CAMK4: variants seen among roughly 807,000 people sequenced by gnomAD.
CAMK4 encodes the protein calcium/calmodulin-dependent protein kinase type IV.
In CAMK4, 22 loss-of-function variants were observed where a neutral mutation model predicts 44.9. The observed-to-expected ratio is 0.49, with a 90% CI of 0.35 to 0.70. The LOEUF is 0.70. Among genes scored for constraint, CAMK4 ranks in the 30% least tolerant of loss-of-function variants. The pLI is 0.01. For missense variants in CAMK4, 498 were observed against 586.8 expected (o/e 0.85, Z 1.56); for synonymous variants, 218 against 215.4 (o/e 1.01, Z -0.11).
intron 1 of CAMK4, among the ~76,000 whole-genome samples, chr5:111,331,315 C>T (rs1749159900): frequency 6.6e-6 from 1 of 151,594 alleles, no homozygotes; most frequent in Non-Finnish European, 1.5e-5. Flanking sequence ...GAATGAATTA[C>T]ATATAAGTCC....
intron 1 of CAMK4, among the ~76,000 whole-genome samples, chr5:111,289,177 T>C (rs1751350181): frequency 6.6e-6 from 1 of 151,974 alleles, no homozygotes; most frequent in Admixed American, 6.5e-5. Context: ...TGAAACCCCA[T>C]CTCTACTAAA....
intron 4 of CAMK4, among the ~76,000 whole-genome samples, chr5:111,379,766 A>G (rs950095238): frequency 3.9e-5 from 6 of 152,090 alleles, no homozygotes; most frequent in African/African-American, 1.4e-4. Flanking sequence ...TAATTGCTGA[A>G]GAGATAATCA....
At chr5:111,272,324 T>G (rs188040885) in intron 1 of CAMK4, among the ~76,000 whole-genome samples, 2 of 152,246 alleles carry the variant, frequency 1.3e-5, no homozygotes, top group Admixed American at 1.3e-4. Context: ...TTGTCTCTCT[T>G]TACCATCTCT....
chr5:111,413,390 A>G (rs1173252602), intron 5 of CAMK4, among the ~76,000 whole-genome samples: 1 of 152,052 alleles, frequency 6.6e-6, no homozygotes, highest in African/African-American at 2.4e-5. Context: ...CAGCCTGGCC[A>G]ATATGGTGAA....
intron 4 of CAMK4, among the ~76,000 whole-genome samples, chr5:111,391,228 A>G (rs1479838853): frequency 3.3e-5 from 5 of 152,124 alleles, no homozygotes; most frequent in Non-Finnish European, 5.9e-5. Context: ...ATGAAGTTCC[A>G]GGGGAGGGGA....
intron 8 of CAMK4, among the ~76,000 whole-genome samples, chr5:111,476,118 T>G (rs1221795344): frequency 6.6e-6 from 1 of 151,942 alleles, no homozygotes; most frequent in African/African-American, 2.4e-5. Flanking sequence ...CTGGGGCTGT[T>G]TTTTTTTAAT....
intron 1 of CAMK4, among the ~76,000 whole-genome samples, chr5:111,297,806 G>A (rs1333566305): frequency 6.6e-6 from 1 of 152,152 alleles, no homozygotes; most frequent in East Asian, 1.9e-4. Flanking sequence ...GTTTGGAGCT[G>A]TTGGTCTCAA....
At position 111,365,285 on chromosome 5, in the gene CAMK4, A is replaced by C. The variant is rs186354677; in HGVS notation, c.241-9565A>C. On this transcript the variant is annotated intron_variant, in intron 2 of 10. Coordinates refer to ENST00000282356, the MANE Select transcript of CAMK4 (RefSeq NM_001744.6). ...TAAAGATAGGTAGTAGAAATCAGAG[A>C]GTGTAATGTTTGAAATCAAGATTTG... 173 of 152,238 alleles carry C rather than the reference A, an allele frequency of 1.1e-3. 1 individual carries two copies. The highest frequency in any genetic ancestry group is 4.0e-3 in the African/African-American group (166 of 41,536). 9.4% of individuals were successfully genotyped at this position (152,238 alleles called of 1,614,324 possible). A position where few individuals can be genotyped will look rare whatever the true frequency, so the allele number is the denominator to read the frequency against.
chr5:111,405,929 T>G (rs1283807275), intron 5 of CAMK4, among the ~76,000 whole-genome samples: 1 of 152,222 alleles, frequency 6.6e-6, no homozygotes, highest in African/African-American at 2.4e-5. Context: ...TGTCAAGATC[T>G]ATGAGTGTTA....
chr5:111,424,337 CTTA>C (rs756573348), intron 5 of CAMK4, among the ~76,000 whole-genome samples: 6 of 150,676 alleles, frequency 4.0e-5, no homozygotes, highest in Non-Finnish European at 7.4e-5. Context: ...TTGAAAACTA[CTTA>C]TTTGCCTTAG....
At chr5:111,459,182 C>T (rs986942208) in intron 7 of CAMK4, among the ~76,000 whole-genome samples, 38 of 152,074 alleles carry the variant, frequency 2.5e-4, no homozygotes, top group African/African-American at 8.0e-4. Context: ...TCAGCAACAC[C>T]ATCATTAGTA....
At chr5:111,228,638 C>T (rs1748317396) in intron 1 of CAMK4, among the ~76,000 whole-genome samples, 1 of 143,708 alleles carries the variant, frequency 7.0e-6, no homozygotes, top group African/African-American at 2.5e-5. Flanking sequence ...TTGATTTCAT[C>T]TATTTTGTTA....
At chr5:111,478,235 A>G in intron 8 of CAMK4, 146 bp from the exon 9 acceptor site, 1 of 428,738 alleles carries the variant, frequency 2.3e-6, no homozygotes, top group Non-Finnish European at 4.2e-6. Context: ...GTGAATTGTA[A>G]TAAGGCAGTT....
At chr5:111,366,640 C>T (rs942060792) in intron 2 of CAMK4, among the ~76,000 whole-genome samples, 3 of 152,230 alleles carry the variant, frequency 2.0e-5, no homozygotes, top group South Asian at 2.1e-4. Context: ...TTATTTGCTG[C>T]ATATCTTAGT....
chr5:111,446,713 C>G lies in CAMK4; in HGVS notation c.487C>G (p.Arg163Gly), dbSNP rs1260987863. Reference protein sequence around the residue: ...AYLHENGIVHRDLKPENLLYA... With the variant: ...AYLHENGIVHGDLKPENLLYA... The stretch of plus-strand genomic sequence containing the variant: ...TCTACATGAAAATGGGATTGTCCAT[C>G]GTGATCTCAAACCAGAGAATCTTCT... Residue 163 changes from arginine to glycine, a missense_variant, in exon 6 of 11, where the codon CGT becomes GGT. Transcript: ENST00000282356. 1 of 1,598,416 alleles carries G rather than the reference C, an allele frequency of 6.3e-7. No individual in the cohort carries two copies. Among genetic ancestry groups the G allele is most frequent in the African/African-American group, 1.3e-5 (1 of 74,394 alleles).
chr5:111,361,500 C>T (rs1304630277), intron 2 of CAMK4, among the ~76,000 whole-genome samples: 1 of 151,846 alleles, frequency 6.6e-6, no homozygotes, highest in East Asian at 1.9e-4. Context: ...ATGAAATGGT[C>T]ATAAAAATTA....
rs1755715199 is a variant in CAMK4, at chr5:111,488,685, A to C, written c.*4219A>C. 2 of 152,238 alleles carry C rather than the reference A, an allele frequency of 1.3e-5. No individual in the cohort carries two copies. The highest frequency in any genetic ancestry group is 1.3e-4 in the Admixed American group (2 of 15,278). The allele number at this position is 152,238 out of a possible 1,614,324, so 9.4% of individuals were successfully genotyped here. ...GTAAATGCCAGAAAAGGCAAAGGAT[A>C]AACTTAGTAAGCCATTTATTTTGTT... On this transcript the variant is annotated 3_prime_UTR_variant, in exon 11 of 11. Coordinates refer to ENST00000282356, the MANE Select transcript of CAMK4 (RefSeq NM_001744.6).
chr5:111,305,051 G>T (rs1450825263), intron 1 of CAMK4, among the ~76,000 whole-genome samples: 1 of 103,276 alleles, frequency 9.7e-6, no homozygotes, highest in Admixed American at 1.1e-4. Flanking sequence ...AAACCAACGA[G>T]AACAAAGACA....
chr5:111,365,043 A>G (rs1190358001), intron 2 of CAMK4: 4 of 152,188 alleles, frequency 2.6e-5, no homozygotes, highest in African/African-American at 9.7e-5. Context: ...CTAAACTCAC[A>G]CTGAAAAATC....
Sources: gnomAD v4.1 joint callset for allele counts (sites outside exome capture counted in the v4.1 genomes callset) on GRCh38, gnomAD v4.1.1 for gene constraint, MANE v1.5 for transcripts, NCBI Gene and HGNC (gene_info 2026-07-23, HGNC 2026-07-21) for gene names.